The following PPP6C variants were observed in gnomAD, a reference collection of about 807,000 sequenced individuals.
PPP6C encodes the protein serine/threonine-protein phosphatase 6 catalytic subunit.
PPP6C carries 11 observed loss-of-function variants against 39.8 expected under a neutral mutation model. That is an observed-to-expected ratio of 0.28 (90% confidence interval 0.17 to 0.46). The LOEUF (loss-of-function observed/expected upper bound fraction) is 0.46, where lower values mean the gene tolerates loss of function less well. Ranked by LOEUF, PPP6C falls within the 20% of genes least tolerant of loss-of-function variation. The probability of loss-of-function intolerance (pLI) is 1.00; values close to 1 mark genes in which losing one functional copy is unlikely to be tolerated. For missense variants in PPP6C, 211 were observed against 373.9 expected, an observed-to-expected ratio of 0.56 and a Z score of 3.59; for synonymous variants, 129 against 130.3, an observed-to-expected ratio of 0.99 and a Z score of 0.07.
At chr9:125,178,702 A>G (rs1402046088) in intron 1 of PPP6C, among the ~76,000 whole-genome samples, 1 of 152,164 alleles carries the variant, frequency 6.6e-6, no homozygotes, top group Admixed American at 6.6e-5. Flanking sequence ...GTAATAATGC[A>G]CCAACAAAGG....
chr9:125,180,737 T>C (rs1829403485), intron 1 of PPP6C, among the ~76,000 whole-genome samples: 1 of 152,166 alleles, frequency 6.6e-6, no homozygotes, highest in Admixed American at 6.6e-5. Context: ...CATATTTCAA[T>C]GTGCCAGAAT....
chr9:125,177,555 A>G (rs1381194317), intron 1 of PPP6C, among the ~76,000 whole-genome samples: 1 of 152,078 alleles, frequency 6.6e-6, no homozygotes, highest in Non-Finnish European at 1.5e-5. Flanking sequence ...AAAAAGAAAA[A>G]GAAAAAAAGA....
intron 2 of PPP6C, among the ~76,000 whole-genome samples, chr9:125,165,852 A>G (rs1829002040): frequency 7.4e-6 from 1 of 135,840 alleles, no homozygotes; most frequent in Non-Finnish European, 1.5e-5. Context: ...GCTGGAGTAC[A>G]GTGGCACATT....
intron 2 of PPP6C, among the ~76,000 whole-genome samples, chr9:125,168,829 C>T (rs368115811): frequency 2.0e-5 from 3 of 151,564 alleles, no homozygotes; most frequent in African/African-American, 4.9e-5. Flanking sequence ...TGCATGATCT[C>T]GGTTCACTGC....
chr9:125,167,523 A>G (rs118173238), intron 2 of PPP6C, among the ~76,000 whole-genome samples: 2,283 of 150,302 alleles, frequency 0.015, 108 homozygotes, highest in Admixed American at 0.083. Flanking sequence ...GCAACATGGA[A>G]AAACCCCATC....
At position 125,180,962 on chromosome 9, in the gene PPP6C, A is replaced by G. The variant is rs142224516; in HGVS notation, c.75+8682T>C. 1.4e-3 allele frequency among the ~76,000 whole-genome samples: 212 copies of G among 152,306 alleles called. 3 individuals are homozygous for G. Among genetic ancestry groups the G allele is most frequent in the African/African-American group, 4.9e-3 (204 of 41,564 alleles). ...AGCAGCCTTCAACCAGGGCCCAGGC[A>G]CACTAACTAGAGTAAAATTACAGCT... is the stretch of plus-strand genomic sequence containing the variant. On this transcript the variant is annotated intron_variant, in intron 1 of 6. Transcript: ENST00000373547.
chr9:125,186,978 CCTCT>C (rs1163307222), intron 1 of PPP6C, among the ~76,000 whole-genome samples: 2 of 128,934 alleles, frequency 1.6e-5, no homozygotes, highest in Admixed American at 8.9e-5. Flanking sequence ...ACGGAGTCTC[CCTCT>C]GTCACCCAGG....
At chr9:125,155,603 T>C (rs1836048861) in intron 4 of PPP6C, among the ~76,000 whole-genome samples, 1 of 152,186 alleles carries the variant, frequency 6.6e-6, no homozygotes, top group Non-Finnish European at 1.5e-5. Flanking sequence ...AATTATCTTA[T>C]TCAAAACATA....
At chr9:125,160,660 T>C (rs1828846962) in intron 3 of PPP6C, among the ~76,000 whole-genome samples, 181 bp downstream of exon 3, 1 of 152,236 alleles carries the variant, frequency 6.6e-6, no homozygotes, top group Admixed American at 6.5e-5. Flanking sequence ...TAAACCTCTT[T>C]TGTAAATTGC....
Position 125,149,503 on chromosome 9 carries a change from G to T in PPP6C, c.*170C>A. On this transcript the variant is annotated 3_prime_UTR_variant, in exon 7 of 7. Coordinates refer to ENST00000373547, the MANE Select transcript of PPP6C (RefSeq NM_002721.5). ...AAATTGATAGAAAAACTTTGCTATA[G>T]ACACCACAACAAACAATAAATTTAG... 1.2e-6 allele frequency: 1 copy of T among 832,102 alleles called. No homozygotes were observed. Among genetic ancestry groups the T allele is most frequent in the Non-Finnish European group, 1.8e-6 (1 of 564,034 alleles). The allele number at this position is 832,102 out of a possible 1,614,324, so 51.5% of individuals were successfully genotyped here.
At chr9:125,156,867 G>C (rs1199093526) in intron 4 of PPP6C, among the ~76,000 whole-genome samples, 1 of 151,050 alleles carries the variant, frequency 6.6e-6, no homozygotes, top group African/African-American at 2.4e-5. Flanking sequence ...GGCTGGAGTG[G>C]AATGGAGCGA....
intron 1 of PPP6C, among the ~76,000 whole-genome samples, chr9:125,178,692 G>C (rs1440912906): frequency 2.0e-5 from 3 of 152,054 alleles, no homozygotes; most frequent in African/African-American, 7.2e-5. Flanking sequence ...TTGAATCTTT[G>C]TAATAATGCA....
Position 125,181,104 on chromosome 9 carries a change from C to T in PPP6C, c.75+8540G>A, listed in dbSNP as rs75170827. The stretch of plus-strand genomic sequence containing the variant: ...GGCAGTAGCTTACAAATCGCTATCA[C>T]GCGCACACAAAAATAAGAAGTCTAT... On this transcript the variant is annotated intron_variant, in intron 1 of 6. Transcript: ENST00000373547. Among the ~76,000 whole-genome samples the T allele has an allele frequency of 6.4e-3, 972 of 152,228 alleles. 10 individuals are homozygous for T. Among genetic ancestry groups the T allele is most frequent in the East Asian group, 0.029 (150 of 5,176 alleles).
At chr9:125,181,591 T>C (rs1829422781) in intron 1 of PPP6C, among the ~76,000 whole-genome samples, 2 of 152,108 alleles carry the variant, frequency 1.3e-5, no homozygotes, top group South Asian at 4.1e-4. Flanking sequence ...CGGTGTTTCG[T>C]TTTCTGTTCC....
At chr9:125,162,457 CAAAAAAAAAAAAAA>C (rs977223135) in intron 2 of PPP6C, among the ~76,000 whole-genome samples, 4 of 70,966 alleles carry the variant, frequency 5.6e-5, no homozygotes, top group African/African-American at 2.0e-4. Context: ...GATTCTGTCT[CAAAAAAAAAAAAAA>C]AAAAAAAAAA....
chr9:125,176,944 G>A (rs1466707029), intron 1 of PPP6C, among the ~76,000 whole-genome samples: 1 of 152,172 alleles, frequency 6.6e-6, no homozygotes, highest in Non-Finnish European at 1.5e-5. Flanking sequence ...TAAACAATTA[G>A]AAGGCTGGAA....
chr9:125,170,118 T>C (rs1312290378), intron 2 of PPP6C, among the ~76,000 whole-genome samples: 1 of 152,222 alleles, frequency 6.6e-6, no homozygotes, highest in East Asian at 1.9e-4. Flanking sequence ...CATATAGCAC[T>C]CTATGAGTAA....
chr9:125,186,187 CT>C (rs1829526916), intron 1 of PPP6C, among the ~76,000 whole-genome samples: 1 of 152,010 alleles, frequency 6.6e-6, no homozygotes, highest in Non-Finnish European at 1.5e-5. Flanking sequence ...TCAATGATTA[CT>C]TTTCTTAATA....
At chr9:125,162,692 C>A (rs1828910652) in intron 2 of PPP6C, among the ~76,000 whole-genome samples, 1 of 150,878 alleles carries the variant, frequency 6.6e-6, no homozygotes, top group Admixed American at 6.7e-5. Context: ...AGGAGAATCA[C>A]CTGAACCTGA....
Sources: allele counts gnomAD v4.1 joint callset (sites outside exome capture counted in the v4.1 genomes callset), GRCh38; gene constraint gnomAD v4.1.1; transcripts MANE v1.5; gene names NCBI Gene and HGNC (gene_info 2026-07-23, HGNC 2026-07-21).